The following PLXNA4 variants were observed in gnomAD, a reference collection of about 807,000 sequenced individuals.
PLXNA4 encodes the protein plexin-A4.
PLXNA4 carries 44 observed loss-of-function variants against 191.8 expected under a neutral mutation model. The observed-to-expected ratio is 0.23, with a 90% CI of 0.18 to 0.29. The LOEUF is 0.29. Ranked by LOEUF, PLXNA4 falls within the 10% of genes least tolerant of loss-of-function variation. The pLI is 1.00. For synonymous variants in PLXNA4, 1,082 were observed against 1,009.5 expected, an observed-to-expected ratio of 1.07 and a Z score of -1.36; for missense variants, 1,800 against 2,488.8, an observed-to-expected ratio of 0.72 and a Z score of 5.89.
At chr7:132,296,218 G>C (rs1225427649) in intron 4 of PLXNA4, among the ~76,000 whole-genome samples, 1 of 152,084 alleles carries the variant, frequency 6.6e-6, no homozygotes, top group African/African-American at 2.4e-5. Context: ...CCTTTCCAAT[G>C]TGCCCATAAT....
Position 132,612,367 on chromosome 7 carries a change from T to C in PLXNA4, c.-87+33561A>G, listed in dbSNP as rs150518734. ...TTCAACTTTCTACCTGTCAAAAGAA[T>C]GTGTTCATCCTGGCCAGGCGCGGTG... On this transcript the variant is annotated intron_variant, in intron 2 of 4. Coordinates refer to the PLXNA4 transcript ENST00000378539. 5.8e-3 allele frequency among the ~76,000 whole-genome samples: 878 copies of C among 152,240 alleles called. 7 individuals are homozygous for C. The highest frequency in any genetic ancestry group is 0.041 in the Middle Eastern group (12 of 294).
chr7:132,319,015 A>G (rs531123428), intron 3 of PLXNA4, among the ~76,000 whole-genome samples: 1 of 152,246 alleles, frequency 6.6e-6, no homozygotes, highest in South Asian at 2.1e-4. Flanking sequence ...GTGGAAGGGA[A>G]GGCATGTCCA....
chr7:132,236,758 G>A (rs902995843), intron 5 of PLXNA4, among the ~76,000 whole-genome samples: 4 of 152,064 alleles, frequency 2.6e-5, no homozygotes, highest in African/African-American at 9.7e-5. Flanking sequence ...TCCCACTCTT[G>A]CCACCTGTCT....
chr7:132,195,162 C>T (rs10225484), intron 13 of PLXNA4, among the ~76,000 whole-genome samples: 85,308 of 151,902 alleles, frequency 0.56, 24,299 homozygotes, highest in South Asian at 0.79. Context: ...AACATGCATA[C>T]GTAAGGAAAG....
At chr7:132,385,289 C>G (rs775521816) in intron 3 of PLXNA4, 2 of 1,611,726 alleles carry the variant, frequency 1.2e-6, no homozygotes, top group South Asian at 2.2e-5. Flanking sequence ...AGGCTGGTAC[C>G]AGGCATCTGG....
At chr7:132,179,147 T>TCACA (rs36103959) in intron 20 of PLXNA4, among the ~76,000 whole-genome samples, 618 of 59,960 alleles carry the variant, frequency 0.01, 18 homozygotes, top group Non-Finnish European at 0.017. Context: ...ACGTGCGTGC[T>TCACA]CACACACACA....
At chr7:132,266,326 T>C (rs1378219783) in intron 4 of PLXNA4, 1 of 152,222 alleles carries the variant, frequency 6.6e-6, no homozygotes, top group African/African-American at 2.4e-5. Context: ...TACTGTGAAG[T>C]TGAAAGTTCC....
intron 3 of PLXNA4, among the ~76,000 whole-genome samples, chr7:132,340,033 A>T (rs1174797445): frequency 6.6e-6 from 1 of 152,166 alleles, no homozygotes; most frequent in Non-Finnish European, 1.5e-5. Flanking sequence ...ATAGCAGGGA[A>T]ATGGGTATAT....
intron 1 of PLXNA4, among the ~76,000 whole-genome samples, chr7:132,554,838 C>G (rs1473112811): frequency 6.6e-6 from 1 of 152,170 alleles, no homozygotes; most frequent in Non-Finnish European, 1.5e-5. Flanking sequence ...CTGAACACAC[C>G]TCTCTGGTCT....
intron 1 of PLXNA4, among the ~76,000 whole-genome samples, chr7:132,547,762 G>T (rs981239764): frequency 6.6e-6 from 1 of 152,138 alleles, no homozygotes; most frequent in African/African-American, 2.4e-5. Context: ...TCAAATCAGG[G>T]TCTGCGGAGG....
chr7:132,172,584 GA>G (rs11297050), intron 21 of PLXNA4, among the ~76,000 whole-genome samples: 61,131 of 151,796 alleles, frequency 0.4, 17,492 homozygotes, highest in African/African-American at 0.79. Flanking sequence ...GAAGGGGTTG[GA>G]AAAAAAGCAA....
chr7:132,212,115 C>T (rs76772731), intron 9 of PLXNA4, among the ~76,000 whole-genome samples: 7,381 of 152,244 alleles, frequency 0.048, 236 homozygotes, highest in South Asian at 0.11. Flanking sequence ...CCACCATCCC[C>T]CAGATTCCTC....
At chr7:132,176,250 C>T (rs983716951) in intron 20 of PLXNA4, among the ~76,000 whole-genome samples, 17 of 152,246 alleles carry the variant, frequency 1.1e-4, no homozygotes, top group African/African-American at 4.1e-4. Flanking sequence ...TCCCTGCACC[C>T]CTGCACCTCT....
At chr7:132,457,836 G>T (rs1464995660) in intron 3 of PLXNA4, among the ~76,000 whole-genome samples, 1 of 152,222 alleles carries the variant, frequency 6.6e-6, no homozygotes, top group African/African-American at 2.4e-5. Flanking sequence ...AGATGCAAAA[G>T]GAGCCATGAG....
chr7:132,219,315 A>C (rs1798068205), intron 9 of PLXNA4, among the ~76,000 whole-genome samples: 1 of 152,032 alleles, frequency 6.6e-6, no homozygotes, highest in South Asian at 2.1e-4. Context: ...TTGACTTGAC[A>C]CTCACTCTAT....
chr7:132,250,779 C>A (rs1159080552), intron 4 of PLXNA4, among the ~76,000 whole-genome samples: 1 of 152,180 alleles, frequency 6.6e-6, no homozygotes, highest in Non-Finnish European at 1.5e-5. Flanking sequence ...GCTGCCAATC[C>A]TCTTATTTTT....
At chr7:132,243,021 T>C (rs1387621808) in intron 4 of PLXNA4, among the ~76,000 whole-genome samples, 2 of 152,234 alleles carry the variant, frequency 1.3e-5, no homozygotes, top group Non-Finnish European at 2.9e-5. Context: ...GTCCACACGC[T>C]ATTTTCAATA....
intron 9 of PLXNA4, among the ~76,000 whole-genome samples, chr7:132,211,481 C>T (rs1173908096): frequency 1.3e-5 from 2 of 152,242 alleles, no homozygotes; most frequent in African/African-American, 4.8e-5. Flanking sequence ...TAGGCCTCCC[C>T]TCCCACTGGG....
chr7:132,362,506 C>T (rs1803986379), intron 3 of PLXNA4, among the ~76,000 whole-genome samples: 1 of 152,216 alleles, frequency 6.6e-6, no homozygotes, highest in African/African-American at 2.4e-5. Context: ...TGGGAGTAAG[C>T]TGCAACTTGC....
Sources: allele counts gnomAD v4.1 joint callset (sites outside exome capture counted in the v4.1 genomes callset), GRCh38; gene constraint gnomAD v4.1.1; transcripts MANE v1.5; gene names NCBI Gene and HGNC (gene_info 2026-07-23, HGNC 2026-07-21).